Variants in DNMT3A observed in about 807,000 individuals in gnomAD.
DNMT3A encodes DNA methyltransferase 3 alpha, also known as DNA (cytosine-5)-methyltransferase 3A.
A neutral mutation model predicts 117.6 loss-of-function variants in DNMT3A; 267 were observed. That is an observed-to-expected ratio of 2.27 (90% CI 2.05 to 2.51). DNMT3A has a LOEUF of 2.51. Among genes scored for constraint, DNMT3A ranks in the 30% most tolerant of loss-of-function variants. The pLI is 0.00. For synonymous variants in DNMT3A, 432 were observed against 474.8 expected (o/e 0.91, Z 1.17); for missense variants, 1,029 against 1,260.2 (o/e 0.82, Z 2.78).
chr2:25,335,035 T>A (rs1158289116), intron 1 of DNMT3A, among the ~76,000 whole-genome samples: 2 of 152,272 alleles, frequency 1.3e-5, no homozygotes, highest in African/African-American at 4.8e-5. Flanking sequence ...CAGGTTTGTG[T>A]GTATCTTTCC....
chr2:25,308,919 T>C (rs541644090), intron 2 of DNMT3A, among the ~76,000 whole-genome samples: 1 of 150,798 alleles, frequency 6.6e-6, no homozygotes, highest in East Asian at 2.0e-4. Flanking sequence ...CAGACTTTGA[T>C]GGGGAGGGGA....
At position 25,305,250 on chromosome 2, in the gene DNMT3A, C is replaced by T. The variant is rs1272252932; in HGVS notation, c.73-5007G>A. On this transcript the variant is annotated intron_variant, in intron 2 of 22. Coordinates refer to ENST00000321117, the MANE Select transcript of DNMT3A (RefSeq NM_022552.5). This position sits in a 1 kb window ranked among gnomAD's most constrained non-coding sequence, Gnocchi z 4.1. ...CTTCTAGACTTAAACATAATTGTCA[C>T]TTTGCATTTATGTCATTCTTTGCAG... Among the ~76,000 whole-genome samples the T allele has an allele frequency of 1.3e-5, 2 of 152,252 alleles. No individual in the cohort carries two copies. The highest frequency in any genetic ancestry group is 2.4e-5 in the African/African-American group (1 of 41,458).
Position 25,286,106 on chromosome 2 carries a change from T to C in DNMT3A, c.178-3395A>G, listed in dbSNP as rs1429741440. ...GCCCCGCAAAGCTGCTGGAGGCAAC[T>C]CCACTGTCACTCACTTCCTGCCTGG... On this transcript the variant is annotated intron_variant, in intron 3 of 22. Transcript: ENST00000321117. The surrounding 1 kb of genome is among the most constrained non-coding windows in gnomAD (Gnocchi z 4.3). Among the ~76,000 whole-genome samples the C allele has an allele frequency of 6.6e-6, 1 of 152,184 alleles. No homozygotes were observed. The highest frequency in any genetic ancestry group is 1.5e-5 in the Non-Finnish European group (1 of 68,022).
intron 1 of DNMT3A, among the ~76,000 whole-genome samples, chr2:25,323,773 G>A (rs1168417781): frequency 2.6e-5 from 4 of 152,192 alleles, no homozygotes; most frequent in Non-Finnish European, 4.4e-5. Flanking sequence ...CGACATGCCA[G>A]GCCCCGTGAG....
At chr2:25,333,582 C>T (rs1488026264) in intron 1 of DNMT3A, among the ~76,000 whole-genome samples, 5 of 152,186 alleles carry the variant, frequency 3.3e-5, no homozygotes, top group Non-Finnish European at 7.3e-5. Context: ...CCACCCGCCT[C>T]GGCCTCCCAA....
At chr2:25,265,189 C>T (rs904034708) in intron 6 of DNMT3A, among the ~76,000 whole-genome samples, 1 of 152,132 alleles carries the variant, frequency 6.6e-6, no homozygotes, top group Non-Finnish European at 1.5e-5. Flanking sequence ...GAGGGGTGGT[C>T]GGGGAGGCTG....
intron 3 of DNMT3A, among the ~76,000 whole-genome samples, chr2:25,288,353 C>T (rs1417071819): frequency 6.6e-6 from 1 of 151,844 alleles, no homozygotes; most frequent in African/African-American, 2.4e-5. Flanking sequence ...ATGGTGTGAA[C>T]CTAGGAGGCA....
chr2:25,333,399 G>A (rs1402265896), intron 1 of DNMT3A, among the ~76,000 whole-genome samples: 3 of 151,426 alleles, frequency 2.0e-5, no homozygotes, highest in Non-Finnish European at 4.4e-5. Context: ...GCGCGATCTC[G>A]GCTCACTGCA....
At chr2:25,292,990 T>C (rs1370515505) in intron 3 of DNMT3A, among the ~76,000 whole-genome samples, 3 of 148,080 alleles carry the variant, frequency 2.0e-5, no homozygotes, top group African/African-American at 7.5e-5. Flanking sequence ...GAGATGAAAA[T>C]AAACAGAGGG....
chr2:25,324,510 C>A (rs2034715374), intron 1 of DNMT3A, among the ~76,000 whole-genome samples: 1 of 152,158 alleles, frequency 6.6e-6, no homozygotes, highest in South Asian at 2.1e-4. Flanking sequence ...GACCCTGGCC[C>A]ACAGATAACA....
chr2:25,298,670 T>C lies in DNMT3A; in HGVS notation c.177+1469A>G, dbSNP rs1189701025. On this transcript the variant is annotated intron_variant, in intron 3 of 22. Coordinates refer to ENST00000321117, the MANE Select transcript of DNMT3A (RefSeq NM_022552.5). The surrounding 1 kb of genome is among the most constrained non-coding windows in gnomAD (Gnocchi z 4.3). ...TGGGCAGAGGAGGGTGCAGGGGCCC[T>C]GGGAATCTGGAGTCTGCTGCCAGCC... Among the ~76,000 whole-genome samples, 1 of 152,206 alleles carries C rather than the reference T, an allele frequency of 6.6e-6. No individual in the cohort carries two copies. The highest frequency in any genetic ancestry group is 6.5e-5 in the Admixed American group (1 of 15,280).
At chr2:25,302,076 G>A (rs1034265872) in intron 2 of DNMT3A, among the ~76,000 whole-genome samples, 8 of 152,136 alleles carry the variant, frequency 5.3e-5, no homozygotes, top group African/African-American at 1.9e-4. Context: ...AGACCATCAT[G>A]GCTCAAGTTC....
chr2:25,300,719 ATATATAT>A (rs2033431769), intron 2 of DNMT3A, among the ~76,000 whole-genome samples: 5 of 6,708 alleles, frequency 7.5e-4, no homozygotes, highest in African/African-American at 2.6e-3. Context: ...TATAATATAT[ATATATAT>A]ATATATATAT....
intron 3 of DNMT3A, among the ~76,000 whole-genome samples, chr2:25,287,012 A>G (rs753813645): frequency 2.0e-5 from 3 of 152,246 alleles, no homozygotes; most frequent in Non-Finnish European, 4.4e-5. Flanking sequence ...GTGCTCAGAC[A>G]ATATTCACAA....
intron 1 of DNMT3A, among the ~76,000 whole-genome samples, chr2:25,320,579 TGGTAGGA>T (rs2034552251): frequency 6.6e-6 from 1 of 151,856 alleles, no homozygotes; most frequent in Non-Finnish European, 1.5e-5. Flanking sequence ...TTAGAAGTTG[TGGTAGGA>T]ATTAGCAACA....
chr2:25,341,284 G>C (rs2035434149), intron 1 of DNMT3A, among the ~76,000 whole-genome samples: 1 of 144,150 alleles, frequency 6.9e-6, no homozygotes, highest in South Asian at 2.1e-4. Flanking sequence ...CCTGCGCGGG[G>C]CCCGGCCCCC....
At position 25,257,008 on chromosome 2, in the gene DNMT3A, G is replaced by C. The variant is rs560909800; in HGVS notation, c.640-8756C>G. On this transcript the variant is annotated intron_variant, in intron 6 of 22. Coordinates refer to ENST00000321117, the MANE Select transcript of DNMT3A (RefSeq NM_022552.5). The surrounding 1 kb of genome is among the most constrained non-coding windows in gnomAD (Gnocchi z 4.8). ...TGCCCAAGTTCCAAGTTGGGGAATG[G>C]ATCCATTTCATAGCAGGAATTCTAA... is the stretch of plus-strand genomic sequence containing the variant. 1.3e-5 allele frequency among the ~76,000 whole-genome samples: 2 copies of C among 152,302 alleles called. No individual in the cohort carries two copies. Among genetic ancestry groups the C allele is most frequent in the Admixed American group, 1.3e-4 (2 of 15,290 alleles).
chr2:25,256,261 T>C (rs1227080662), intron 6 of DNMT3A, among the ~76,000 whole-genome samples: 1 of 152,192 alleles, frequency 6.6e-6, no homozygotes, highest in East Asian at 1.9e-4. Flanking sequence ...ACACTCTGCG[T>C]GACATTCTAG....
rs904938249 is a variant in DNMT3A, at chr2:25,228,201, A to G, written c.*6078T>C. 3.0e-5 allele frequency: 2 copies of G among 66,238 alleles called. No individual in the cohort carries two copies. Among genetic ancestry groups the G allele is most frequent in the South Asian group, 1.3e-3 (2 of 1,530 alleles). 4.1% of individuals were successfully genotyped at this position (66,238 alleles called of 1,614,324 possible). Reference sequence around the variant, plus strand: ...TGTCAATAAATAGAGAAGCAACCCTAAAAAAAAAAAAAAAAAAAAAAAAAA... The same window carrying G: ...TGTCAATAAATAGAGAAGCAACCCTGAAAAAAAAAAAAAAAAAAAAAAAAA... On this transcript the variant is annotated 3_prime_UTR_variant, in exon 23 of 23. Coordinates refer to ENST00000321117, the MANE Select transcript of DNMT3A (RefSeq NM_022552.5).
Sources: allele counts gnomAD v4.1 joint callset (sites outside exome capture counted in the v4.1 genomes callset), GRCh38; gene constraint gnomAD v4.1.1; non-coding constraint Gnocchi (gnomAD v3.1); transcripts MANE v1.5; gene names NCBI Gene and HGNC (gene_info 2026-07-23, HGNC 2026-07-21).